Variants in SLC44A5 observed in about 807,000 individuals in gnomAD.
SLC44A5 encodes solute carrier family 44 member 5, also known as choline transporter-like protein 5.
A neutral mutation model predicts 101.8 loss-of-function variants in SLC44A5; 57 were observed. That is an observed-to-expected ratio of 0.56 (90% confidence interval 0.45 to 0.70). The LOEUF is 0.70. Ranked by LOEUF, SLC44A5 falls within the 30% of genes least tolerant of loss-of-function variation. The pLI is 0.00. For missense variants in SLC44A5, 737 were observed against 853.1 expected (o/e 0.86, Z 1.70); for synonymous variants, 281 against 290.9 (o/e 0.97, Z 0.35).
At chr1:75,561,693 A>T (rs1221418064) in intron 1 of SLC44A5, among the ~76,000 whole-genome samples, 1 of 152,204 alleles carries the variant, frequency 6.6e-6, no homozygotes, top group African/African-American at 2.4e-5. Flanking sequence ...ACATCCTGAT[A>T]ACCCTATCTC....
intron 6 of SLC44A5, among the ~76,000 whole-genome samples, chr1:75,257,047 T>G (rs1650078352): frequency 6.6e-6 from 1 of 152,180 alleles, no homozygotes; most frequent in Non-Finnish European, 1.5e-5. Context: ...GAGAAGAGAT[T>G]GTCCCAGTGA....
At chr1:75,338,261 T>G (rs1657597723) in intron 4 of SLC44A5, among the ~76,000 whole-genome samples, 1 of 151,468 alleles carries the variant, frequency 6.6e-6, no homozygotes, top group Admixed American at 6.6e-5. Context: ...TCGTTTAGAC[T>G]TTACCTGAAC....
chr1:75,427,070 C>T (rs1664355012), intron 2 of SLC44A5, among the ~76,000 whole-genome samples: 1 of 152,168 alleles, frequency 6.6e-6, no homozygotes, highest in East Asian at 1.9e-4. Flanking sequence ...TTTAATAAAT[C>T]CATTTGCTGC....
At chr1:75,477,776 C>T (rs374817580) in intron 2 of SLC44A5, among the ~76,000 whole-genome samples, 25 of 152,058 alleles carry the variant, frequency 1.6e-4, no homozygotes, top group East Asian at 1.5e-3. Context: ...CTACGTCTGA[C>T]TGGTGTACCT....
chr1:75,698,024 T>G, the SLC44A5 span, among the ~76,000 whole-genome samples: 6 of 152,154 alleles, frequency 3.9e-5, no homozygotes, highest in African/African-American at 1.4e-4. Context: ...TCTCACTGAT[T>G]GCTAGCACAG....
intron 17 of SLC44A5, 45 bp from the exon 18 acceptor site, chr1:75,218,005 A>G: frequency 8.3e-7 from 1 of 1,207,576 alleles, no homozygotes; most frequent in South Asian, 1.3e-5. Context: ...TAATACTATT[A>G]TTTAAGGGGA....
At chr1:75,588,502 A>G (rs1674150661) in intron 1 of SLC44A5, among the ~76,000 whole-genome samples, 1 of 152,146 alleles carries the variant, frequency 6.6e-6, no homozygotes, top group Non-Finnish European at 1.5e-5. Context: ...TGAGATTGGA[A>G]CACATATCTG....
At position 75,203,801 on chromosome 1, in the gene SLC44A5, C is replaced by G; in HGVS notation, c.2080G>C (p.Ala694Pro). 2 of 1,549,438 alleles carry G rather than the reference C, an allele frequency of 1.3e-6. No homozygotes were observed. The highest frequency in any genetic ancestry group is 1.7e-6 in the Non-Finnish European group (2 of 1,145,980). ...EDLERNDGST[A>P]RPYYVSQPLL... ...GGTTGACTCACATAATAAGGTCTTGCAGTAGAACCATCATTTCTTTCTAAA... is the reference window on the plus strand; with the variant it reads ...GGTTGACTCACATAATAAGGTCTTGGAGTAGAACCATCATTTCTTTCTAAA... Residue 694 changes from alanine (A) to proline (P), a missense_variant, in exon 24 of 24, where the codon GCA becomes CCA. This residue lies in a region of SLC44A5 where 61 missense variants were observed against 56.5 expected (regional missense o/e 1.08). Coordinates refer to ENST00000370859, the MANE Select transcript of SLC44A5 (RefSeq NM_001130058.2).
chr1:75,395,010 A>G (rs1662036379), intron 3 of SLC44A5, among the ~76,000 whole-genome samples: 1 of 152,028 alleles, frequency 6.6e-6, no homozygotes, highest in African/African-American at 2.4e-5. Context: ...GCATAGTACA[A>G]TATCCTATAT....
intron 2 of SLC44A5, among the ~76,000 whole-genome samples, chr1:75,482,616 T>G (rs1667936821): frequency 6.6e-6 from 1 of 152,108 alleles, no homozygotes. Context: ...ATCACTAAAA[T>G]TCCTTCTTGC....
chr1:75,563,942 T>C (rs1334714620), intron 1 of SLC44A5, among the ~76,000 whole-genome samples: 2 of 152,064 alleles, frequency 1.3e-5, no homozygotes, highest in African/African-American at 2.4e-5. Context: ...GAATATAGGG[T>C]AAAAACTGAA....
chr1:75,558,562 T>A (rs189673014), intron 1 of SLC44A5, among the ~76,000 whole-genome samples: 1 of 152,050 alleles, frequency 6.6e-6, no homozygotes, highest in Non-Finnish European at 1.5e-5. Flanking sequence ...TGGCTGTAGG[T>A]TGGTTAGCTG....
the SLC44A5 span, among the ~76,000 whole-genome samples, chr1:75,664,079 C>T: frequency 6.6e-6 from 1 of 151,536 alleles, no homozygotes; most frequent in African/African-American, 2.4e-5. Flanking sequence ...TCAATAGACA[C>T]AGAAAAAGAT....
At chr1:75,642,128 TA>T in the SLC44A5 span, 1 of 944,538 alleles carries the variant, frequency 1.1e-6, no homozygotes, top group South Asian at 1.6e-5. Flanking sequence ...AAGTGATATA[TA>T]TTAAAACTGC....
At chr1:75,451,954 C>T (rs973121734) in intron 2 of SLC44A5, among the ~76,000 whole-genome samples, 6 of 152,028 alleles carry the variant, frequency 3.9e-5, no homozygotes, top group Non-Finnish European at 7.4e-5. Flanking sequence ...GGCCAAGAAG[C>T]GATACAACCT....
At chr1:75,221,118 G>C (rs957302787) in intron 14 of SLC44A5, among the ~76,000 whole-genome samples, 1 of 152,192 alleles carries the variant, frequency 6.6e-6, no homozygotes, top group Admixed American at 6.5e-5. Context: ...CTAATGATAG[G>C]TTATTGTGGG....
intron 4 of SLC44A5, among the ~76,000 whole-genome samples, chr1:75,306,037 A>G (rs959249436): frequency 1.3e-5 from 2 of 152,232 alleles, no homozygotes; most frequent in African/African-American, 4.8e-5. Context: ...ATTTCTAAAC[A>G]ATTTTTTAAA....
chr1:75,214,156 G>A (rs1219189504), intron 20 of SLC44A5, among the ~76,000 whole-genome samples, 167 bp from the exon 21 acceptor site: 1 of 152,100 alleles, frequency 6.6e-6, no homozygotes, highest in East Asian at 1.9e-4. Context: ...ATGATGTTCT[G>A]ACTTATTTTT....
the SLC44A5 span, among the ~76,000 whole-genome samples, chr1:75,633,572 T>C: frequency 6.6e-6 from 1 of 152,174 alleles, no homozygotes; most frequent in Non-Finnish European, 1.5e-5. Context: ...ATTGATTTTG[T>C]ATCCTGAGAC....
Sources: gnomAD v4.1 joint callset for allele counts (sites outside exome capture counted in the v4.1 genomes callset) on GRCh38, gnomAD v4.1.1 for gene constraint, gnomAD v4.1.1 regional missense constraint, MANE v1.5 for transcripts, NCBI Gene and HGNC (gene_info 2026-07-23, HGNC 2026-07-21) for gene names.